The following TMEM17 variants were observed in gnomAD, a reference collection of about 807,000 sequenced individuals.
TMEM17 encodes the protein transmembrane protein 17.
A neutral mutation model predicts 19.1 loss-of-function variants in TMEM17; 15 were observed. The ratio of observed to expected loss-of-function variants is 0.78; its 90% CI spans 0.52 to 1.21. The LOEUF is 1.21. TMEM17 is among the 50% of genes most tolerant of loss of function. The pLI, the probability that TMEM17 is intolerant of heterozygous loss-of-function variation, is 0.00. For synonymous variants in TMEM17, 103 were observed against 86.9 expected, an observed-to-expected ratio of 1.19 and a Z score of -1.03; for missense variants, 245 against 242.3, an observed-to-expected ratio of 1.01 and a Z score of -0.07.
rs150163358 is a variant in TMEM17, at chr2:62,501,267, C to G, written c.539G>C (p.Arg180Pro). The part of the protein sequence containing the change: ...AVRFHLQDFD[R>P]LSANRGDMRR... ...CATGTCTCCTCTGTTTGCAGAGAGC[C>G]GGTCAAAGTCTTGGAGGTGGAAACG... Residue 180 changes from arginine to proline, a missense_variant, in exon 4 of 4, where the codon CGG becomes CCG. Coordinates refer to ENST00000335390, the MANE Select transcript of TMEM17 (RefSeq NM_198276.3). 6.2e-7 allele frequency: 1 copy of G among 1,614,122 alleles called. No homozygotes were observed. Among genetic ancestry groups the G allele is most frequent in the South Asian group, 1.1e-5 (1 of 91,074 alleles).
the TMEM17 span, among the ~76,000 whole-genome samples, chr2:62,468,861 T>C: frequency 9.7e-3 from 1,479 of 152,352 alleles, 18 homozygotes; most frequent in African/African-American, 0.032. Context: ...TAGCTAGAGC[T>C]AGCAGAGTTT....
chr2:62,498,541 C>T (rs868470057), downstream of TMEM17, among the ~76,000 whole-genome samples: 2 of 149,696 alleles, frequency 1.3e-5, no homozygotes, highest in African/African-American at 4.9e-5. Context: ...ACGGTGAAAC[C>T]CCGTCTCTAC....
chr2:62,487,128 G>A, the TMEM17 span, among the ~76,000 whole-genome samples: 1 of 152,150 alleles, frequency 6.6e-6, no homozygotes, highest in Non-Finnish European at 1.5e-5. Context: ...TTATAGTCCT[G>A]GAGGTCAGAA....
the TMEM17 span, among the ~76,000 whole-genome samples, chr2:62,478,840 T>C: frequency 6.6e-6 from 1 of 152,254 alleles, no homozygotes; most frequent in Non-Finnish European, 1.5e-5. Context: ...TCTATCCTAA[T>C]TTATGCTTCC....
chr2:62,487,517 C>T, the TMEM17 span, among the ~76,000 whole-genome samples: 1 of 152,134 alleles, frequency 6.6e-6, no homozygotes, highest in South Asian at 2.1e-4. Flanking sequence ...ATTATTCTGC[C>T]CACCATGATA....
the TMEM17 span, among the ~76,000 whole-genome samples, chr2:62,490,643 T>C: frequency 6.6e-6 from 1 of 152,204 alleles, no homozygotes; most frequent in Non-Finnish European, 1.5e-5. Flanking sequence ...TAAAACACTT[T>C]GGATCATAGA....
At chr2:62,466,940 C>G in the TMEM17 span, among the ~76,000 whole-genome samples, 1 of 152,104 alleles carries the variant, frequency 6.6e-6, no homozygotes, top group East Asian at 1.9e-4. Flanking sequence ...TTTCGAAACA[C>G]TAATTCCATG....
At chr2:62,478,759 TAAAA>T in the TMEM17 span, among the ~76,000 whole-genome samples, 1 of 149,330 alleles carries the variant, frequency 6.7e-6, no homozygotes, top group African/African-American at 2.5e-5. Flanking sequence ...TTTCTTTATT[TAAAA>T]AAAAAAATTA....
chr2:62,467,276 A>G, the TMEM17 span, among the ~76,000 whole-genome samples: 1 of 149,990 alleles, frequency 6.7e-6, no homozygotes, highest in African/African-American at 2.5e-5. Context: ...CCATGATTGC[A>G]GGATCCCCAG....
chr2:62,506,019 C>CA lies in TMEM17; in HGVS notation c.100+10_100+11insT. The CA allele has an allele frequency of 6.2e-7, 1 of 1,604,350 alleles. No individual in the cohort carries two copies. The highest frequency in any genetic ancestry group is 8.5e-7 in the Non-Finnish European group (1 of 1,175,278). On this transcript the variant is annotated intron_variant, in intron 1 of 3. Coordinates refer to ENST00000335390, the MANE Select transcript of TMEM17 (RefSeq NM_198276.3). The stretch of plus-strand genomic sequence containing the variant: ...AGGCCACACCCCCTGCACCGGGCCT[C>CA]GGTCACTCACCCGGACCCTCATTGG...
At chr2:62,477,862 C>T in the TMEM17 span, among the ~76,000 whole-genome samples, 8 of 152,196 alleles carry the variant, frequency 5.3e-5, no homozygotes, top group East Asian at 1.5e-3. Flanking sequence ...CTGCTGTCTC[C>T]TACCTTGAGG....
the TMEM17 span, among the ~76,000 whole-genome samples, chr2:62,476,861 C>T: frequency 6.6e-6 from 1 of 152,174 alleles, no homozygotes. Flanking sequence ...GACTGAGCCC[C>T]ACAAGGCCCT....
the TMEM17 span, among the ~76,000 whole-genome samples, chr2:62,494,907 C>T: frequency 1.3e-5 from 2 of 152,064 alleles, no homozygotes; most frequent in South Asian, 2.1e-4. Context: ...TCCCAGCTAC[C>T]GGGAGGCTGA....
chr2:62,485,509 G>C, the TMEM17 span, among the ~76,000 whole-genome samples: 1 of 152,274 alleles, frequency 6.6e-6, no homozygotes, highest in East Asian at 1.9e-4. Flanking sequence ...GTCTAATAAT[G>C]AGTATATTTT....
chr2:62,476,534 A>T, the TMEM17 span, among the ~76,000 whole-genome samples: 1 of 152,366 alleles, frequency 6.6e-6, no homozygotes, highest in Admixed American at 6.5e-5. Flanking sequence ...GAAGTAAAAA[A>T]TGCATCTGAT....
chr2:62,468,542 T>C, the TMEM17 span, among the ~76,000 whole-genome samples: 1 of 152,148 alleles, frequency 6.6e-6, no homozygotes, highest in African/African-American at 2.4e-5. Context: ...AACCTCTAGA[T>C]TGCTAGATAG....
At chr2:62,502,385 A>C (rs548891665) in intron 3 of TMEM17, 52 bp downstream of exon 3, 19 of 1,318,028 alleles carry the variant, frequency 1.4e-5, no homozygotes, top group Non-Finnish European at 1.9e-5. Flanking sequence ...ACTTGTTATG[A>C]AAACTGATTT....
chr2:62,489,825 A>T, the TMEM17 span, among the ~76,000 whole-genome samples: 1 of 152,204 alleles, frequency 6.6e-6, no homozygotes, highest in Admixed American at 6.5e-5. Context: ...CTTGCATCAA[A>T]GTGTTAATAT....
chr2:62,497,556 T>C (rs138876727), downstream of TMEM17, among the ~76,000 whole-genome samples: 1 of 152,324 alleles, frequency 6.6e-6, no homozygotes, highest in Non-Finnish European at 1.5e-5. Flanking sequence ...CAAGTGTCAC[T>C]TTCTTTGGGA....
Sources: allele counts gnomAD v4.1 joint callset (sites outside exome capture counted in the v4.1 genomes callset), GRCh38; gene constraint gnomAD v4.1.1; transcripts MANE v1.5; gene names NCBI Gene and HGNC (gene_info 2026-07-23, HGNC 2026-07-21).